The following FBXO3 variants were observed in gnomAD, a reference collection of about 807,000 sequenced individuals.
The protein encoded by FBXO3 is F-box protein 3, also known as F-box only protein 3.
FBXO3 carries 17 observed loss-of-function variants against 64.8 expected under a neutral mutation model. That is an observed-to-expected ratio of 0.26 (90% CI 0.18 to 0.39). FBXO3 has a LOEUF of 0.39. FBXO3 is among the 10% of genes least tolerant of loss of function. The pLI is 1.00. For missense variants in FBXO3, 420 were observed against 589.9 expected, an observed-to-expected ratio of 0.71 and a Z score of 2.98; for synonymous variants, 182 against 201.6, an observed-to-expected ratio of 0.90 and a Z score of 0.82.
intron 10 of FBXO3, 40 bp from the exon 11 acceptor site, chr11:33,742,124 AT>A (rs1484373767): frequency 1.4e-6 from 2 of 1,465,946 alleles, no homozygotes; most frequent in Non-Finnish European, 1.8e-6. Context: ...AAGAGCATCT[AT>A]CAGTTTTTTA....
rs1002852121 is a variant in FBXO3 at position 33,743,863 on chromosome 11, T to C, written c.1240-1779A>G. 1 of 152,238 alleles carries C rather than the reference T, an allele frequency of 6.6e-6. No homozygotes were observed. Among genetic ancestry groups the C allele is most frequent in the Non-Finnish European group, 1.5e-5 (1 of 68,038 alleles). 9.4% of individuals were successfully genotyped at this position (152,238 alleles called of 1,614,324 possible). A position where few individuals can be genotyped will look rare whatever the true frequency, so the allele number is the denominator to read the frequency against. On this transcript the variant is annotated intron_variant, in intron 10 of 10. Coordinates refer to ENST00000265651, the MANE Select transcript of FBXO3 (RefSeq NM_012175.4). The surrounding 1 kb of genome is among the most constrained non-coding windows in gnomAD (Gnocchi z 4.6). ...CTCTGCTGTTTCTCCACAGCACTTATTACTACTTAATATAAGGACATAGTG... is the reference window on the plus strand; with the variant it reads ...CTCTGCTGTTTCTCCACAGCACTTACTACTACTTAATATAAGGACATAGTG...
At chr11:33,752,266 G>T (rs998270007) in intron 6 of FBXO3, among the ~76,000 whole-genome samples, 1 of 152,138 alleles carries the variant, frequency 6.6e-6, no homozygotes, top group Non-Finnish European at 1.5e-5. Flanking sequence ...CTAATGATTG[G>T]ATTATAACAA....
chr11:33,774,170 T>C, intron 1 of FBXO3: 1 of 486,244 alleles, frequency 2.1e-6, no homozygotes, highest in Non-Finnish European at 3.7e-6. Flanking sequence ...ATCTCGTCGC[T>C]TCTCATACCT....
At chr11:33,758,317 A>G (rs1855158534) in intron 4 of FBXO3, among the ~76,000 whole-genome samples, 170 bp downstream of exon 4, 1 of 152,240 alleles carries the variant, frequency 6.6e-6, no homozygotes, top group Admixed American at 6.5e-5. Context: ...TTATTTTGGT[A>G]AAATCTAATT....
At chr11:33,757,065 A>T in intron 4 of FBXO3, 1 of 518,806 alleles carries the variant, frequency 1.9e-6, no homozygotes, top group South Asian at 1.4e-5. Context: ...TATAATCTCA[A>T]TGTGATCACC....
intron 9 of FBXO3, among the ~76,000 whole-genome samples, chr11:33,748,443 A>G (rs1307484573): frequency 6.6e-6 from 1 of 152,216 alleles, no homozygotes; most frequent in African/African-American, 2.4e-5. Flanking sequence ...AAATCTACAA[A>G]CAATAAAAAT....
chr11:33,768,929 C>T lies in FBXO3; in HGVS notation c.280G>A (p.Ala94Thr). 6.2e-7 allele frequency: 1 copy of T among 1,614,024 alleles called. No homozygotes were observed. Among genetic ancestry groups the T allele is most frequent in the Non-Finnish European group, 8.5e-7 (1 of 1,179,898 alleles). Reference sequence around the variant, plus strand: ...TCATCCCAGGCCTTTTTAATAGCAGCATAATGGTCAATGTATCTTCCTACA... The same window carrying T: ...TCATCCCAGGCCTTTTTAATAGCAGTATAATGGTCAATGTATCTTCCTACA... The part of the protein sequence containing the change: ...SDVGRYIDHY[A>T]AIKKAWDDLK... The change falls in exon 3 of 11, where the codon GCT becomes ACT. Residue 94 changes from alanine to threonine, a missense_variant. Around this residue, in one of 3 missense-constraint regions of FBXO3, gnomAD observed 337 missense variants for 518.4 expected, o/e 0.65. Transcript: ENST00000265651.
intron 6 of FBXO3, among the ~76,000 whole-genome samples, chr11:33,752,521 T>C (rs914268353): frequency 2.0e-5 from 3 of 152,206 alleles, no homozygotes; most frequent in African/African-American, 7.2e-5. Context: ...TAGGGAATGA[T>C]AAAAGATACA....
At chr11:33,758,350 G>A (rs1298714358) in intron 4 of FBXO3, 137 bp downstream of exon 4, 2 of 510,734 alleles carry the variant, frequency 3.9e-6, no homozygotes, top group Non-Finnish European at 6.7e-6. Flanking sequence ...TTTGTCTTAT[G>A]GATTGCTATA....
At chr11:33,763,478 T>C (rs1329924287) in intron 3 of FBXO3, among the ~76,000 whole-genome samples, 1 of 152,114 alleles carries the variant, frequency 6.6e-6, no homozygotes, top group Non-Finnish European at 1.5e-5. Context: ...TGCATTTCAC[T>C]GCATTAACAG....
intron 6 of FBXO3, chr11:33,753,571 G>A (rs1173534311): frequency 6.6e-6 from 1 of 152,244 alleles, no homozygotes; most frequent in South Asian, 2.1e-4. Context: ...ACATGAGTCA[G>A]AGTGAGCTGA....
chr11:33,757,746 C>T (rs1429210916), intron 4 of FBXO3, among the ~76,000 whole-genome samples: 2 of 144,302 alleles, frequency 1.4e-5, no homozygotes, highest in Admixed American at 7.0e-5. Flanking sequence ...TTTTTGAGCC[C>T]AGGAATTCAA....
At chr11:33,774,244 C>G (rs1855583621) in intron 1 of FBXO3, 150 bp downstream of exon 1, 4 of 657,232 alleles carry the variant, frequency 6.1e-6, no homozygotes, top group Admixed American at 3.0e-5. Flanking sequence ...CCCCGGTCCC[C>G]GGTGGCTCCG....
intron 4 of FBXO3, among the ~76,000 whole-genome samples, chr11:33,757,677 A>AAAAAAAAAAAAAAAAAAC (rs1855140369): frequency 7.0e-6 from 1 of 142,638 alleles, no homozygotes; most frequent in Non-Finnish European, 1.5e-5. Flanking sequence ...AAAAAAAAAA[A>AAAAAAAAAAAAAAAAAAC]AAAAGTCTGG....
At chr11:33,761,927 C>T (rs1434653752) in intron 3 of FBXO3, among the ~76,000 whole-genome samples, 2 of 152,126 alleles carry the variant, frequency 1.3e-5, no homozygotes, top group African/African-American at 4.8e-5. Context: ...TCTGGAAGGG[C>T]CCCCAGTCCC....
intron 2 of FBXO3, 27 bp downstream of exon 2, chr11:33,770,714 A>C (rs1365247035): frequency 1.3e-6 from 2 of 1,578,862 alleles, no homozygotes; most frequent in South Asian, 1.1e-5. Flanking sequence ...GCCAGTTTTC[A>C]GAAGTACATA....
chr11:33,773,354 A>G (rs1855556974), intron 1 of FBXO3: 1 of 152,280 alleles, frequency 6.6e-6, no homozygotes, highest in Admixed American at 6.5e-5. Flanking sequence ...GTATCTCTCT[A>G]TCACCACTTA....
rs748196567 is a variant in FBXO3, at chr11:33,747,186, C to T, written c.1183G>A (p.Ala395Thr). The T allele has an allele frequency of 6.8e-6, 11 of 1,610,176 alleles. No homozygotes were observed. The highest frequency in any genetic ancestry group is 9.3e-6 in the Non-Finnish European group (11 of 1,179,100). Residue 395 changes from alanine (A) to threonine (T), a missense_variant, in exon 10 of 11, where the codon GCC becomes ACC. Physicochemically the swap from Ala to Thr is moderately conservative, Grantham distance 58. Around this residue, in one of 3 missense-constraint regions of FBXO3, gnomAD observed 337 missense variants for 518.4 expected, o/e 0.65. Transcript: ENST00000265651. ...CATGCCATATGGAATCGGGGAATGGCAACATTAAAGATCTTGTCTTTAAAG... is the reference window on the plus strand; with the variant it reads ...CATGCCATATGGAATCGGGGAATGGTAACATTAAAGATCTTGTCTTTAAAG... The part of the protein sequence containing the change: ...LYFKDKIFNV[A>T]IPRFHMACPT...
chr11:33,750,395 T>C, intron 8 of FBXO3, 144 bp downstream of exon 8: 1 of 855,380 alleles, frequency 1.2e-6, no homozygotes, highest in Non-Finnish European at 1.8e-6. Flanking sequence ...CACTATCTTG[T>C]AGAAAATGTA....
Sources: allele counts gnomAD v4.1 joint callset (sites outside exome capture counted in the v4.1 genomes callset), GRCh38; gene constraint gnomAD v4.1.1; regional missense constraint gnomAD v4.1.1; non-coding constraint Gnocchi (gnomAD v3.1); transcripts MANE v1.5; gene names NCBI Gene and HGNC (gene_info 2026-07-23, HGNC 2026-07-21).